Variants in COX4I2 observed in about 807,000 individuals in gnomAD.
COX4I2 encodes cytochrome c oxidase subunit 4I2.
A neutral mutation model predicts 20.8 loss-of-function variants in COX4I2; 15 were observed. That is an observed-to-expected ratio of 0.72 (90% confidence interval 0.48 to 1.11). COX4I2 has a LOEUF of 1.11. COX4I2 is among the 50% of genes most tolerant of loss of function. The pLI, the probability that COX4I2 is intolerant of heterozygous loss-of-function variation, is 0.00. For missense variants in COX4I2, 224 were observed against 223.0 expected (o/e 1.00, Z -0.03); for synonymous variants, 80 against 78.1 (o/e 1.02, Z -0.13).
intron 4 of COX4I2, among the ~76,000 whole-genome samples, 185 bp downstream of exon 4, chr20:31,643,720 G>A (rs2060481048): frequency 6.6e-6 from 1 of 152,178 alleles, no homozygotes; most frequent in African/African-American, 2.4e-5. Context: ...ACCTCTCTGG[G>A]CCTCAGTTTC....
rs760811527 is a variant in COX4I2, at chr20:31,643,492, C to T, written c.336C>T (p.Phe112=). 90 of 1,614,052 alleles carry T rather than the reference C, an allele frequency of 5.6e-5. No individual in the cohort carries two copies. The highest frequency in any genetic ancestry group is 3.5e-4 in the Admixed American group (21 of 59,966). Residue 112 remains phenylalanine, a synonymous_variant, in exon 4 of 5, where the codon TTC becomes TTT. Coordinates refer to ENST00000376075, the MANE Select transcript of COX4I2 (RefSeq NM_032609.3). ...WKTVMGCVFF[F]IGFAALVIWW... ...CAGTGATGGGTTGTGTCTTCTTCTT[C>T]ATTGGATTCGCAGCTCTGGTGATTT...
At chr20:31,638,979 A>T (rs1314845522) in intron 1 of COX4I2, 39 bp from the exon 2 acceptor site, 2 of 1,576,780 alleles carry the variant, frequency 1.3e-6, no homozygotes, top group Non-Finnish European at 1.7e-6. Flanking sequence ...GCAGAGGGTG[A>T]TGTGGGGGCA....
In COX4I2 at chr20:31,644,929, A is replaced by G; in HGVS notation, c.*25A>G. On this transcript the variant is annotated 3_prime_UTR_variant, in exon 5 of 5. Coordinates refer to ENST00000376075, the MANE Select transcript of COX4I2 (RefSeq NM_032609.3). ...ACTTGCATCCCCAGCTGTCTCCCTGAGGCTCCGCCCTGGCTGGGAGCCTCT... is the reference window on the plus strand; with the variant it reads ...ACTTGCATCCCCAGCTGTCTCCCTGGGGCTCCGCCCTGGCTGGGAGCCTCT... The G allele has an allele frequency of 6.2e-7, 1 of 1,611,392 alleles. No individual in the cohort carries two copies.
At chr20:31,641,379 AAG>A (rs1401230472) in intron 3 of COX4I2, among the ~76,000 whole-genome samples, 10 of 151,232 alleles carry the variant, frequency 6.6e-5, no homozygotes, top group East Asian at 1.9e-4. Context: ...AAAAAAAAAA[AAG>A]AGAGAGAGAG....
Position 31,640,046 on chromosome 20 carries a change from G to A in COX4I2, c.196G>A (p.Glu66Lys). The A allele has an allele frequency of 6.2e-7, 1 of 1,613,736 alleles. No individual in the cohort carries two copies. The highest frequency in any genetic ancestry group is 8.5e-7 in the Non-Finnish European group (1 of 1,180,024). The change falls in exon 3 of 5, where the codon GAG (glutamate) becomes AAG (lysine). Residue 66 changes from glutamate (E) to lysine (K), a missense_variant. Physicochemically the swap from Glu to Lys is moderately conservative, Grantham distance 56. Transcript: ENST00000376075. ...CAACGCTGAGGAGCAGGCCCTGAAG[G>A]AGAAGGAGAAGGGAAGCTGGACCCA... ...ELNAEEQALK[E>K]KEKGSWTQLT...
chr20:31,641,001 G>GT (rs1169365861), intron 3 of COX4I2, among the ~76,000 whole-genome samples: 14 of 130,748 alleles, frequency 1.1e-4, no homozygotes, highest in Non-Finnish European at 2.1e-4. Context: ...ACACATCTTG[G>GT]TTTTTTCTTC....
Position 31,639,912 on chromosome 20 carries a change from C to T in COX4I2, c.83-21C>T, listed in dbSNP as rs777812300. Reference sequence around the variant, plus strand: ...TGTCCCAAGGGCAGCCTGGACTCAGCTCCCTCCATTGTGTCTGCAGCCCGT... The same window carrying T: ...TGTCCCAAGGGCAGCCTGGACTCAGTTCCCTCCATTGTGTCTGCAGCCCGT... On this transcript the variant is annotated intron_variant, in intron 2 of 4. Transcript: ENST00000376075. 3.1e-6 allele frequency: 5 copies of T among 1,613,776 alleles called. No individual in the cohort carries two copies. In the South Asian group the frequency reaches 4.4e-5, roughly 14 times the overall value.
At chr20:31,643,590 G>A (rs2060480372) in intron 4 of COX4I2, 55 bp downstream of exon 4, 5 of 1,608,432 alleles carry the variant, frequency 3.1e-6, no homozygotes, top group East Asian at 2.2e-5. Flanking sequence ...TTGTGGTCAC[G>A]GCCACCAGAC....
chr20:31,644,511 C>T (rs997640302), intron 4 of COX4I2, among the ~76,000 whole-genome samples: 1 of 152,106 alleles, frequency 6.6e-6, no homozygotes, highest in Non-Finnish European at 1.5e-5. Flanking sequence ...GGACCTTGGC[C>T]CAGCTCCCAC....
intron 3 of COX4I2, among the ~76,000 whole-genome samples, chr20:31,640,965 A>ACACACC (rs2060464557): frequency 7.1e-6 from 1 of 141,594 alleles, no homozygotes; most frequent in South Asian, 2.4e-4. Flanking sequence ...ACACACACAC[A>ACACACC]CACACACACA....
Position 31,644,992 on chromosome 20 carries a change from AGCTCC to A in COX4I2, c.*89_*93del. On this transcript the variant is annotated 3_prime_UTR_variant, in exon 5 of 5. Transcript: ENST00000376075. ...CCTCCCCTGCCCTTAACCCCAGTAA[AGCTCC>A]AAAAAAAAATTTATTCTCTTCTGCC... is the stretch of plus-strand genomic sequence containing the variant. 2.7e-6 allele frequency: 4 copies of A among 1,490,490 alleles called. No homozygotes were observed. The highest frequency in any genetic ancestry group is 1.8e-6 in the Non-Finnish European group (2 of 1,092,210). The allele number at this position is 1,490,490 out of a possible 1,614,324, so 92.3% of individuals were successfully genotyped here.
At chr20:31,639,476 G>C (rs780796848) in intron 2 of COX4I2, among the ~76,000 whole-genome samples, 2 of 151,776 alleles carry the variant, frequency 1.3e-5, no homozygotes, top group Non-Finnish European at 2.9e-5. Context: ...CCAGATAGCA[G>C]AAGGGCCTTG....
At chr20:31,638,900 C>A in intron 1 of COX4I2, 118 bp from the exon 2 acceptor site, 2 of 1,093,990 alleles carry the variant, frequency 1.8e-6, no homozygotes, top group Non-Finnish European at 2.7e-6. Context: ...GACCTTGAAA[C>A]ACTGGGACAC....
intron 1 of COX4I2, among the ~76,000 whole-genome samples, chr20:31,638,674 C>A (rs759638369): frequency 1.3e-5 from 2 of 152,030 alleles, no homozygotes; most frequent in Non-Finnish European, 2.9e-5. Context: ...AACAAGTGAG[C>A]GGGGTTCTCC....
At chr20:31,639,791 C>T (rs992875607) in intron 2 of COX4I2, 142 bp from the exon 3 acceptor site, 26 of 849,550 alleles carry the variant, frequency 3.1e-5, no homozygotes, top group South Asian at 4.4e-5. Context: ...CTCCTGACCT[C>T]GTGATCCACC....
intron 3 of COX4I2, 75 bp from the exon 4 acceptor site, chr20:31,643,329 T>C: frequency 1.3e-6 from 2 of 1,578,856 alleles, no homozygotes; most frequent in Non-Finnish European, 1.7e-6. Flanking sequence ...CAGCATCTGC[T>C]GCAGGGAGGG....
intron 1 of COX4I2, among the ~76,000 whole-genome samples, chr20:31,638,674 C>T (rs759638369): frequency 6.6e-6 from 1 of 152,030 alleles, no homozygotes; most frequent in African/African-American, 2.4e-5. Flanking sequence ...AACAAGTGAG[C>T]GGGGTTCTCC....
chr20:31,640,954 TACACACAC>T (rs35214276), intron 3 of COX4I2, among the ~76,000 whole-genome samples: 44 of 133,610 alleles, frequency 3.3e-4, no homozygotes, highest in Middle Eastern at 3.6e-3. Context: ...TCTCTCTTTC[TACACACAC>T]ACACACACAC....
intron 4 of COX4I2, 143 bp from the exon 5 acceptor site, chr20:31,644,625 C>A (rs866599195): frequency 9.9e-6 from 9 of 908,512 alleles, no homozygotes; most frequent in African/African-American, 9.9e-5. Flanking sequence ...GTGGAGTGAG[C>A]TCCTCAGTGC....
Sources: gnomAD v4.1 joint callset for allele counts (sites outside exome capture counted in the v4.1 genomes callset) on GRCh38, gnomAD v4.1.1 for gene constraint, MANE v1.5 for transcripts, NCBI Gene and HGNC (gene_info 2026-07-23, HGNC 2026-07-21) for gene names.